Variants in ACTR1A observed in about 807,000 individuals in gnomAD.
The protein encoded by ACTR1A is alpha-centractin.
A neutral mutation model predicts 50.7 loss-of-function variants in ACTR1A; 10 were observed. The observed-to-expected ratio is 0.20, with a 90% confidence interval of 0.12 to 0.33. The LOEUF (loss-of-function observed/expected upper bound fraction) is 0.33, where lower values mean the gene tolerates loss of function less well. Among genes scored for constraint, ACTR1A ranks in the 10% least tolerant of loss-of-function variants. ACTR1A has a pLI of 1.00. For missense variants in ACTR1A, 253 were observed against 491.7 expected (o/e 0.51, Z 4.59); for synonymous variants, 177 against 184.2 (o/e 0.96, Z 0.32).
At position 102,490,617 on chromosome 10, in the gene ACTR1A, AG is replaced by A; in HGVS notation, c.49-5del. ...CAGCTTTAATCACACCGGATCCCTG[AG>A]GAAAGAGGAGAGAGAATGAGGAGTC... On this transcript the variant is annotated splice_polypyrimidine_tract_variant and splice_region_variant and intron_variant, in intron 1 of 10. Transcript: ENST00000369905. 1 of 1,609,966 alleles carries A rather than the reference AG, an allele frequency of 6.2e-7. No homozygotes were observed. The highest frequency in any genetic ancestry group is 8.5e-7 in the Non-Finnish European group (1 of 1,176,528).
intron 1 of ACTR1A, among the ~76,000 whole-genome samples, chr10:102,493,016 AAAAAAAAAG>A (rs1340659432): frequency 6.7e-6 from 1 of 150,152 alleles, no homozygotes; most frequent in East Asian, 1.9e-4. Context: ...AAAAAAAAAA[AAAAAAAAAG>A]AAGTGGTTGA....
intron 4 of ACTR1A, among the ~76,000 whole-genome samples, chr10:102,486,029 C>T (rs1481211429): frequency 6.6e-6 from 1 of 152,138 alleles, no homozygotes; most frequent in Non-Finnish European, 1.5e-5. Context: ...CTCCAACTGT[C>T]AAGAAGATTT....
At chr10:102,483,309 C>T in intron 6 of ACTR1A, 1 of 522,230 alleles carries the variant, frequency 1.9e-6, no homozygotes. Flanking sequence ...TTCTTAACCG[C>T]TCCACCTTCC....
At chr10:102,489,674 C>T (rs1348740067) in intron 2 of ACTR1A, among the ~76,000 whole-genome samples, 5 of 152,176 alleles carry the variant, frequency 3.3e-5, no homozygotes, top group Non-Finnish European at 5.9e-5. Flanking sequence ...ATTAGCTGGG[C>T]GTGATGGCAC....
intron 5 of ACTR1A, among the ~76,000 whole-genome samples, chr10:102,484,766 C>T (rs957030824): frequency 6.6e-6 from 1 of 152,176 alleles, no homozygotes; most frequent in African/African-American, 2.4e-5. Flanking sequence ...TTTTCACTTC[C>T]ATAAAAAACA....
chr10:102,491,962 G>A (rs1393729047), intron 1 of ACTR1A, among the ~76,000 whole-genome samples: 1 of 144,576 alleles, frequency 6.9e-6, no homozygotes, highest in African/African-American at 2.6e-5. Flanking sequence ...GTAGAGACAG[G>A]GTTTCACCGT....
At chr10:102,495,622 G>C (rs2062216917) in intron 1 of ACTR1A, among the ~76,000 whole-genome samples, 1 of 150,984 alleles carries the variant, frequency 6.6e-6, no homozygotes, top group Non-Finnish European at 1.5e-5. Context: ...CCCAGTACTC[G>C]GGAGGCTGAG....
Position 102,481,161 on chromosome 10 carries a change from A to T in ACTR1A, c.999T>A (p.Pro333=), listed in dbSNP as rs751488326. Residue 333 remains proline (P), a synonymous_variant, in exon 10 of 11, where the codon CCT becomes CCA. Transcript: ENST00000369905. ...TCCACGTGGAATACAGTCTCTCCTGAGGTGCAGATATCTGCAAAGGTGGGG... is the reference window on the plus strand; with the variant it reads ...TCCACGTGGAATACAGTCTCTCCTGTGGTGCAGATATCTGCAAAGGTGGGG... The part of the protein sequence containing the change: ...PKDVKIRISA[P]QERLYSTWIG... 1.2e-5 allele frequency: 19 copies of T among 1,599,566 alleles called. No individual in the cohort carries two copies. The Admixed American group carries it at 3.3e-4, about 28-fold the overall frequency.
chr10:102,484,447 A>G, intron 5 of ACTR1A, 71 bp from the exon 6 acceptor site: 1 of 1,334,970 alleles, frequency 7.5e-7, no homozygotes, highest in Non-Finnish European at 1.1e-6. Flanking sequence ...TTCTTTATTT[A>G]GGGTTCAATG....
intron 1 of ACTR1A, 105 bp from the exon 2 acceptor site, chr10:102,490,718 C>T (rs554108397): frequency 3.3e-5 from 30 of 907,240 alleles, no homozygotes; most frequent in African/African-American, 2.0e-4. Flanking sequence ...AGCGGCCGGG[C>T]GCAGTGGCTC....
chr10:102,482,449 G>T lies in ACTR1A; in HGVS notation c.751-274C>A. 2.1e-6 allele frequency: 1 copy of T among 484,466 alleles called. No individual in the cohort carries two copies. The highest frequency in any genetic ancestry group is 3.7e-6 in the Non-Finnish European group (1 of 270,084). The allele number at this position is 484,466 out of a possible 1,614,324, so 30.0% of individuals were successfully genotyped here. On this transcript the variant is annotated intron_variant, in intron 7 of 10. Transcript: ENST00000369905. The surrounding 1 kb of genome is among the most constrained non-coding windows in gnomAD (Gnocchi z 5.6). Reference sequence around the variant, plus strand: ...CATGGATTTATTTGCTCATGGAAACGTCTTCCTAGCAATGGGGGTTCAAGG... The same window carrying T: ...CATGGATTTATTTGCTCATGGAAACTTCTTCCTAGCAATGGGGGTTCAAGG...
chr10:102,500,766 C>A (rs1008753362), intron 1 of ACTR1A, among the ~76,000 whole-genome samples: 2 of 150,672 alleles, frequency 1.3e-5, no homozygotes, highest in Non-Finnish European at 3.0e-5. Context: ...CCTCCACCCC[C>A]CCACACCAAA....
intron 1 of ACTR1A, among the ~76,000 whole-genome samples, chr10:102,495,745 TA>T (rs2062217848): frequency 7.3e-6 from 1 of 136,450 alleles, no homozygotes. Flanking sequence ...AATAAATAAA[TA>T]AATACACAAT....
intron 9 of ACTR1A, 24 bp downstream of exon 9, chr10:102,481,813 G>T (rs1468775681): frequency 1.2e-6 from 2 of 1,611,962 alleles, no homozygotes; most frequent in Admixed American, 3.3e-5. Flanking sequence ...GTTCCACCCA[G>T]GCCAGGCCCC....
chr10:102,494,439 C>T (rs1270379218), intron 1 of ACTR1A, among the ~76,000 whole-genome samples: 1 of 152,144 alleles, frequency 6.6e-6, no homozygotes, highest in Non-Finnish European at 1.5e-5. Flanking sequence ...TCGAGACCAG[C>T]CTGCACATGG....
chr10:102,486,534 A>G (rs1399669796), intron 4 of ACTR1A, among the ~76,000 whole-genome samples: 3 of 152,100 alleles, frequency 2.0e-5, no homozygotes. Flanking sequence ...TACTAAAAAT[A>G]CAAAATTAGC....
intron 4 of ACTR1A, among the ~76,000 whole-genome samples, chr10:102,487,654 C>T (rs2062175131): frequency 7.8e-6 from 1 of 127,392 alleles, no homozygotes; most frequent in African/African-American, 3.0e-5. Context: ...TTTTTTGGGA[C>T]GGAGTCTCAC....
intron 10 of ACTR1A, 78 bp downstream of exon 10, chr10:102,481,054 C>G (rs898179084): frequency 5.0e-6 from 8 of 1,588,010 alleles, no homozygotes; most frequent in African/African-American, 2.7e-5. Context: ...CCAAATCAGG[C>G]TTTTCTTTAG....
intron 1 of ACTR1A, among the ~76,000 whole-genome samples, chr10:102,497,434 T>C (rs2062227639): frequency 6.6e-6 from 1 of 151,892 alleles, no homozygotes; most frequent in South Asian, 2.1e-4. Context: ...AAATCATGGA[T>C]GGATCTAGGC....
Sources: allele counts gnomAD v4.1 joint callset (sites outside exome capture counted in the v4.1 genomes callset), GRCh38; gene constraint gnomAD v4.1.1; non-coding constraint Gnocchi (gnomAD v3.1); transcripts MANE v1.5; gene names NCBI Gene and HGNC (gene_info 2026-07-23, HGNC 2026-07-21).